The following EYS variants were observed in gnomAD, a reference collection of about 807,000 sequenced individuals.
EYS encodes EGF-like photoreceptor maintenance factor, also known as protein eyes shut homolog.
A neutral mutation model predicts 282.1 loss-of-function variants in EYS; 250 were observed. The observed-to-expected ratio is 0.89, with a 90% CI of 0.80 to 0.98. EYS has a LOEUF of 0.98. Ranked by LOEUF, EYS falls within the 50% of genes least tolerant of loss-of-function variation. EYS has a pLI of 0.00. For missense variants in EYS, 4,016 were observed against 3,709.0 expected (o/e 1.08, Z -2.15); for synonymous variants, 1,355 against 1,282.9 (o/e 1.06, Z -1.20).
intron 36 of EYS, among the ~76,000 whole-genome samples, chr6:63,855,396 A>G (rs1440113316): frequency 6.6e-6 from 1 of 152,224 alleles, no homozygotes; most frequent in Non-Finnish European, 1.5e-5. Context: ...TGTACTGTGA[A>G]AAATACTTCT....
At chr6:65,261,407 G>A (rs1429945828) in intron 12 of EYS, among the ~76,000 whole-genome samples, 3 of 152,046 alleles carry the variant, frequency 2.0e-5, no homozygotes, top group East Asian at 1.9e-4. Flanking sequence ...TGGTGTGCAT[G>A]TGTTTACCAC....
At chr6:65,449,184 G>A (rs1425899951) in intron 5 of EYS, among the ~76,000 whole-genome samples, 2 of 151,962 alleles carry the variant, frequency 1.3e-5, no homozygotes, top group East Asian at 3.9e-4. Context: ...CTAAAGAATG[G>A]TTTCCTTGAT....
intron 13 of EYS, among the ~76,000 whole-genome samples, chr6:65,045,522 G>A (rs62407176): frequency 0.018 from 2,745 of 151,840 alleles, 29 homozygotes; most frequent in South Asian, 0.044. Flanking sequence ...TAAGAAATTC[G>A]AGTCCTTATA....
rs778123173 is a variant in EYS, at chr6:65,384,410, A to G, written c.1275T>C (p.Cys425=). 4.4e-6 allele frequency: 7 copies of G among 1,606,012 alleles called. No homozygotes were observed. Among genetic ancestry groups the G allele is most frequent in the Non-Finnish European group, 6.0e-6 (7 of 1,174,586 alleles). Reference sequence around the variant, plus strand: ...CTTTGAATCTTCCAATTATATTGAAACACCATTCTTCATTCAGACAGTTGA... The same window carrying G: ...CTTTGAATCTTCCAATTATATTGAAGCACCATTCTTCATTCAGACAGTTGA... ...LSINCLNEEW[C]FNIIGRFKYV... Residue 425 remains cysteine (C), a synonymous_variant, in exon 8 of 43, where the codon TGT becomes TGC. Transcript: ENST00000503581.
chr6:65,363,498 C>T (rs2150335801), intron 8 of EYS, among the ~76,000 whole-genome samples: 1 of 151,658 alleles, frequency 6.6e-6, no homozygotes. Context: ...CATTTTGTTT[C>T]CACAACATTG....
intron 8 of EYS, among the ~76,000 whole-genome samples, chr6:65,362,166 T>C (rs1181556545): frequency 6.6e-6 from 1 of 152,142 alleles, no homozygotes; most frequent in Non-Finnish European, 1.5e-5. Flanking sequence ...TTTTAAGACA[T>C]GATAATCACT....
chr6:65,484,901 A>G (rs1247336680), intron 5 of EYS, among the ~76,000 whole-genome samples: 2 of 152,196 alleles, frequency 1.3e-5, no homozygotes, highest in Non-Finnish European at 2.9e-5. Flanking sequence ...AAATCCACAC[A>G]TTTATGTTTG....
chr6:64,458,028 G>T (rs1190536953), intron 26 of EYS, among the ~76,000 whole-genome samples: 1 of 151,898 alleles, frequency 6.6e-6, no homozygotes, highest in Admixed American at 6.6e-5. Flanking sequence ...TTTAATGAAT[G>T]ACAATGTAAC....
chr6:64,888,009 G>T (rs575304420), intron 18 of EYS, among the ~76,000 whole-genome samples: 1 of 152,084 alleles, frequency 6.6e-6, no homozygotes, highest in South Asian at 2.1e-4. Flanking sequence ...TGTCCTCCAG[G>T]ATCATGTATG....
chr6:64,823,711 CAG>C (rs1329839924), intron 19 of EYS, among the ~76,000 whole-genome samples: 4 of 152,038 alleles, frequency 2.6e-5, no homozygotes, highest in South Asian at 4.1e-4. Flanking sequence ...GGTGAGTATT[CAG>C]AGTGTAAGTG....
In EYS at chr6:63,929,477, A is replaced by G. The variant is rs537306936; in HGVS notation, c.7055+54906T>C. On this transcript the variant is annotated intron_variant, in intron 35 of 42. Transcript: ENST00000503581. ...CATTGAAAGGTTTGAGTATCCCTTT[A>G]ATTTCGTAGAATCATTTTCTTCTCC... 2.0e-5 allele frequency among the ~76,000 whole-genome samples: 3 copies of G among 152,298 alleles called. No homozygotes were observed. The South Asian group carries it at 6.2e-4, about 32-fold the overall frequency.
rs1251692931 is a variant in EYS at position 64,591,199 on chromosome 6, A to C, written c.4668T>G (p.Cys1556Trp). The change falls in exon 26 of 43, where the codon TGT becomes TGG. Residue 1556 changes from cysteine (C) to tryptophan (W), a missense_variant. Physicochemically the swap from Cys to Trp is radical, Grantham distance 215. Transcript: ENST00000503581. Reference protein sequence around the residue: ...ADSLRELSQTCATCSMTEIKS... With the variant: ...ADSLRELSQTWATCSMTEIKS... ...TTATTTCAGTCATAGAACATGTTGC[A>C]CATGTTTGGCTTAATTCTCTTAAAG... The C allele has an allele frequency of 6.4e-7, 1 of 1,551,370 alleles. No individual in the cohort carries two copies. Among genetic ancestry groups the C allele is most frequent in the Non-Finnish European group, 8.7e-7 (1 of 1,146,804 alleles).
chr6:64,919,665 G>C (rs1294680764), intron 15 of EYS, among the ~76,000 whole-genome samples: 4 of 151,918 alleles, frequency 2.6e-5, no homozygotes, highest in African/African-American at 9.7e-5. Flanking sequence ...TAAATGAACT[G>C]TATGGATAAT....
intron 26 of EYS, among the ~76,000 whole-genome samples, chr6:64,465,822 A>G (rs1251149960): frequency 6.6e-6 from 1 of 152,054 alleles, no homozygotes; most frequent in Non-Finnish European, 1.5e-5. Flanking sequence ...AACAACCTGC[A>G]GAATTGGAGA....
At chr6:65,477,389 G>A (rs1375014207) in intron 5 of EYS, among the ~76,000 whole-genome samples, 2 of 152,084 alleles carry the variant, frequency 1.3e-5, no homozygotes, top group African/African-American at 4.8e-5. Context: ...CAGAATTCAA[G>A]AACTCATTAA....
At chr6:64,295,151 G>C (rs912110757) in intron 30 of EYS, among the ~76,000 whole-genome samples, 1 of 151,022 alleles carries the variant, frequency 6.6e-6, no homozygotes, top group Non-Finnish European at 1.5e-5. Flanking sequence ...GAAGCGGGGG[G>C]ATCACGAGGT....
chr6:65,665,743 G>T (rs1177698693), intron 1 of EYS, among the ~76,000 whole-genome samples: 2 of 152,032 alleles, frequency 1.3e-5, no homozygotes, highest in African/African-American at 4.8e-5. Context: ...ACAAAACTCT[G>T]GGATCTGTAC....
At chr6:64,867,723 T>C (rs1259819554) in intron 19 of EYS, among the ~76,000 whole-genome samples, 1 of 151,754 alleles carries the variant, frequency 6.6e-6, no homozygotes, top group Non-Finnish European at 1.5e-5. Flanking sequence ...TTCTGTAATA[T>C]TGATAAAAAC....
intron 22 of EYS, among the ~76,000 whole-genome samples, chr6:64,784,657 A>G (rs371884366): frequency 1.6e-4 from 24 of 152,032 alleles, no homozygotes; most frequent in Middle Eastern, 3.2e-3. Context: ...TTTTTATATT[A>G]CTGCTTGTTG....
Sources: gnomAD v4.1 joint callset for allele counts (sites outside exome capture counted in the v4.1 genomes callset) on GRCh38, gnomAD v4.1.1 for gene constraint, MANE v1.5 for transcripts, NCBI Gene and HGNC (gene_info 2026-07-23, HGNC 2026-07-21) for gene names.